Variants in DLC1 observed in about 807,000 individuals in gnomAD.
DLC1 encodes the protein DLC1 Rho GTPase activating protein, also known as rho GTPase-activating protein 7.
DLC1 carries 54 observed loss-of-function variants against 140.3 expected under a neutral mutation model. That is an observed-to-expected ratio of 0.38 (90% CI 0.31 to 0.48). The LOEUF (loss-of-function observed/expected upper bound fraction) is 0.48, where lower values mean the gene tolerates loss of function less well. Among genes scored for constraint, DLC1 ranks in the 20% least tolerant of loss-of-function variants. The pLI is 0.96. For synonymous variants in DLC1, 986 were observed against 728.1 expected (o/e 1.35, Z -5.70); for missense variants, 2,536 against 1,907.0 (o/e 1.33, Z -6.14).
intron 1 of DLC1, among the ~76,000 whole-genome samples, chr8:13,596,419 A>T (rs916119585): frequency 1.3e-5 from 2 of 151,958 alleles, no homozygotes; most frequent in African/African-American, 4.8e-5. Flanking sequence ...AGGTTCTTCC[A>T]TAGAGGGTCT....
chr8:13,519,398 G>A (rs1286696315), upstream of DLC1, among the ~76,000 whole-genome samples: 1 of 152,172 alleles, frequency 6.6e-6, no homozygotes, highest in African/African-American at 2.4e-5. Flanking sequence ...AAAGTGCTGG[G>A]ATTACAGGTG....
chr8:13,429,762 A>T (rs1379153860), intron 2 of DLC1, among the ~76,000 whole-genome samples: 1 of 152,222 alleles, frequency 6.6e-6, no homozygotes, highest in Admixed American at 6.5e-5. Flanking sequence ...TTGCTCAGAA[A>T]GACACACAAA....
At chr8:13,224,453 C>A (rs147742472) in intron 5 of DLC1, among the ~76,000 whole-genome samples, 2 of 152,160 alleles carry the variant, frequency 1.3e-5, no homozygotes, top group East Asian at 3.9e-4. Context: ...GCTACAAATG[C>A]CCGTGTCATT....
chr8:13,114,698 A>C (rs1323690511), intron 6 of DLC1, among the ~76,000 whole-genome samples: 1 of 152,224 alleles, frequency 6.6e-6, no homozygotes, highest in Non-Finnish European at 1.5e-5. Context: ...AGCCCTTATA[A>C]ATCATTAAGA....
intron 5 of DLC1, among the ~76,000 whole-genome samples, chr8:13,189,963 C>T (rs557677568): frequency 2.7e-4 from 41 of 151,998 alleles, no homozygotes; most frequent in Middle Eastern, 3.4e-3. Context: ...GAGAGCCCAG[C>T]GCATGGACAG....
At chr8:13,141,255 TCAAA>T (rs1272965786) in intron 5 of DLC1, among the ~76,000 whole-genome samples, 1 of 8,982 alleles carries the variant, frequency 1.1e-4, no homozygotes, top group Non-Finnish European at 2.1e-4. Flanking sequence ...AGAGTCTGTC[TCAAA>T]AAAAAAAAAA....
intron 4 of DLC1, among the ~76,000 whole-genome samples, chr8:13,370,107 C>T (rs930012488): frequency 2.6e-5 from 4 of 151,036 alleles, no homozygotes. Context: ...CCAAACTTTA[C>T]TCAAAAACCT....
At chr8:13,602,337 C>G (rs1414512329) in intron 1 of DLC1, among the ~76,000 whole-genome samples, 3 of 151,492 alleles carry the variant, frequency 2.0e-5, no homozygotes. Context: ...AAATAAATAC[C>G]AAAAAAGACA....
At chr8:13,323,934 G>A (rs895910152) in intron 4 of DLC1, among the ~76,000 whole-genome samples, 25 of 152,182 alleles carry the variant, frequency 1.6e-4, no homozygotes, top group African/African-American at 5.8e-4. Flanking sequence ...AATCAATTCA[G>A]CAAAGTGGTT....
chr8:13,200,743 G>T (rs4831404), intron 5 of DLC1, among the ~76,000 whole-genome samples: 47,274 of 151,664 alleles, frequency 0.31, 9,602 homozygotes, highest in African/African-American at 0.58. Context: ...TAGGTGGGAC[G>T]ACAGGTCCAT....
intron 5 of DLC1, among the ~76,000 whole-genome samples, chr8:13,173,981 C>G (rs1825630211): frequency 6.6e-6 from 1 of 152,156 alleles, no homozygotes; most frequent in South Asian, 2.1e-4. Flanking sequence ...AACATAGTAT[C>G]CAATAGGTCA....
At chr8:13,370,645 G>A (rs1477487049) in intron 4 of DLC1, among the ~76,000 whole-genome samples, 1 of 152,206 alleles carries the variant, frequency 6.6e-6, no homozygotes, top group African/African-American at 2.4e-5. Flanking sequence ...AGGTGTGGCT[G>A]AAATCAGGGC....
At chr8:13,506,424 C>T (rs975932535) in intron 1 of DLC1, among the ~76,000 whole-genome samples, 17 of 151,382 alleles carry the variant, frequency 1.1e-4, no homozygotes, top group South Asian at 8.4e-4. Context: ...CTTACTTCTT[C>T]CTTAGATAGC....
At chr8:13,391,652 A>T (rs561198454) in intron 4 of DLC1, among the ~76,000 whole-genome samples, 2 of 152,166 alleles carry the variant, frequency 1.3e-5, no homozygotes, top group Non-Finnish European at 2.9e-5. Flanking sequence ...AACTATATTG[A>T]CCATATTTAT....
intron 5 of DLC1, among the ~76,000 whole-genome samples, chr8:13,181,261 G>A (rs942503727): frequency 4.6e-5 from 7 of 151,168 alleles, no homozygotes; most frequent in South Asian, 2.1e-4. Flanking sequence ...CATGGCTGCT[G>A]CCTCAGCCTT....
At chr8:13,133,158 C>T (rs990030137) in intron 5 of DLC1, 435 of 1,442,928 alleles carry the variant, frequency 3.0e-4, no homozygotes, top group Non-Finnish European at 3.2e-4. Flanking sequence ...GCGGGGTTTT[C>T]TAAAGATCGA....
At chr8:13,293,372 C>T (rs1831834370) in intron 5 of DLC1, among the ~76,000 whole-genome samples, 1 of 152,102 alleles carries the variant, frequency 6.6e-6, no homozygotes, top group South Asian at 2.1e-4. Flanking sequence ...TACGATGGCA[C>T]TGATTTATAA....
At chr8:13,567,621 CCT>C (rs1563446073) in intron 1 of DLC1, 1 of 1,551,656 alleles carries the variant, frequency 6.4e-7, no homozygotes, top group South Asian at 1.2e-5. Context: ...CGGAGCTGGC[CCT>C]GTCTGCCTTT....
intron 4 of DLC1, among the ~76,000 whole-genome samples, chr8:13,388,767 T>C (rs1302398437): frequency 6.6e-6 from 1 of 152,040 alleles, no homozygotes; most frequent in Non-Finnish European, 1.5e-5. Flanking sequence ...TTCATACACA[T>C]ACATATATGT....
Sources: allele counts gnomAD v4.1 joint callset (sites outside exome capture counted in the v4.1 genomes callset), GRCh38; gene constraint gnomAD v4.1.1; transcripts MANE v1.5; gene names NCBI Gene and HGNC (gene_info 2026-07-23, HGNC 2026-07-21).